The following DAB1 variants were observed in gnomAD, a reference collection of about 807,000 sequenced individuals.
DAB1 encodes DAB adaptor protein 1, also known as disabled homolog 1.
DAB1 carries 15 observed loss-of-function variants against 64.6 expected under a neutral mutation model. The observed-to-expected ratio is 0.23, with a 90% CI of 0.16 to 0.36. The LOEUF is 0.36. Ranked by LOEUF, DAB1 falls within the 10% of genes least tolerant of loss-of-function variation. DAB1 has a pLI of 1.00. For missense variants in DAB1, 596 were observed against 706.7 expected, an observed-to-expected ratio of 0.84 and a Z score of 1.78; for synonymous variants, 235 against 251.9, an observed-to-expected ratio of 0.93 and a Z score of 0.64.
chr1:58,382,029 T>C (rs1644394873), intron 3 of DAB1, among the ~76,000 whole-genome samples: 1 of 152,196 alleles, frequency 6.6e-6, no homozygotes, highest in South Asian at 2.1e-4. Flanking sequence ...CTATTTGCAT[T>C]TGAACCTTTG....
chr1:57,786,014 A>T (rs986386992), intron 6 of DAB1, among the ~76,000 whole-genome samples: 3 of 152,196 alleles, frequency 2.0e-5, no homozygotes, highest in African/African-American at 7.2e-5. Flanking sequence ...TTCAGCAATT[A>T]CTACCCTGAT....
At chr1:57,886,389 C>A (rs563237544), upstream of DAB1, among the ~76,000 whole-genome samples, 2 of 152,132 alleles carry the variant, frequency 1.3e-5, no homozygotes, top group African/African-American at 4.8e-5. Context: ...GAACTCCTGA[C>A]CTTGTGATCC....
intron 3 of DAB1, among the ~76,000 whole-genome samples, chr1:58,499,488 A>C (rs1645864900): frequency 6.7e-6 from 1 of 148,946 alleles, no homozygotes; most frequent in Non-Finnish European, 1.5e-5. Flanking sequence ...ATAGATAGAT[A>C]GATAGATAGA....
intron 2 of DAB1, among the ~76,000 whole-genome samples, chr1:57,267,168 G>C (rs527772487): frequency 3.3e-5 from 5 of 152,132 alleles, no homozygotes; most frequent in African/African-American, 9.6e-5. Context: ...ACATAGAGAA[G>C]GCTACGTGAA....
At chr1:58,397,466 G>A (rs1056754984) in intron 3 of DAB1, among the ~76,000 whole-genome samples, 6 of 152,132 alleles carry the variant, frequency 3.9e-5, no homozygotes, top group African/African-American at 7.2e-5. Flanking sequence ...TACCTCTCTC[G>A]TCAACCCTCA....
intron 9 of DAB1, chr1:57,033,674 G>T: frequency 8.5e-7 from 1 of 1,169,608 alleles, no homozygotes; most frequent in Non-Finnish European, 1.2e-6. Context: ...TCACACTTCC[G>T]TGGTCTCAGT....
intron 6 of DAB1, among the ~76,000 whole-genome samples, chr1:57,650,390 A>T (rs542526355): frequency 6.6e-6 from 1 of 152,228 alleles, no homozygotes; most frequent in African/African-American, 2.4e-5. Context: ...ACAATTATGA[A>T]TGCAGACCGG....
intron 3 of DAB1, among the ~76,000 whole-genome samples, chr1:58,356,870 T>C (rs1486776030): frequency 6.6e-6 from 1 of 151,658 alleles, no homozygotes; most frequent in Non-Finnish European, 1.5e-5. Flanking sequence ...CAAAAAATTT[T>C]AAAAATTAGC....
At chr1:58,243,994 A>G (rs530743827) in intron 4 of DAB1, among the ~76,000 whole-genome samples, 1 of 152,176 alleles carries the variant, frequency 6.6e-6, no homozygotes, top group Non-Finnish European at 1.5e-5. Flanking sequence ...GAATTTTAAG[A>G]GTAGCAACAA....
intron 2 of DAB1, among the ~76,000 whole-genome samples, chr1:57,281,788 C>A (rs926126039): frequency 1.3e-5 from 2 of 152,048 alleles, no homozygotes; most frequent in African/African-American, 4.8e-5. Flanking sequence ...GCCTGAACTA[C>A]CTTCGGGGAC....
At chr1:57,206,655 T>C (rs1665563407) in intron 2 of DAB1, among the ~76,000 whole-genome samples, 1 of 152,204 alleles carries the variant, frequency 6.6e-6, no homozygotes, top group Admixed American at 6.5e-5. Context: ...TCACACTGTT[T>C]CTCTTGCTTC....
At chr1:58,428,689 G>A (rs1644842713) in intron 3 of DAB1, among the ~76,000 whole-genome samples, 1 of 152,152 alleles carries the variant, frequency 6.6e-6, no homozygotes, top group African/African-American at 2.4e-5. Flanking sequence ...ACAGTGTTAT[G>A]TTTAGGATTT....
At chr1:56,999,175 A>T (rs1265676418) in intron 14 of DAB1, among the ~76,000 whole-genome samples, 2 of 152,182 alleles carry the variant, frequency 1.3e-5, no homozygotes, top group Non-Finnish European at 2.9e-5. Flanking sequence ...AGCCCCTACC[A>T]TGTGTCTGGC....
chr1:58,342,020 G>A (rs1369431623), intron 4 of DAB1, among the ~76,000 whole-genome samples: 3 of 152,150 alleles, frequency 2.0e-5, no homozygotes, highest in African/African-American at 7.2e-5. Flanking sequence ...GGGAGCCTCA[G>A]TAAGTCACTT....
intron 3 of DAB1, among the ~76,000 whole-genome samples, chr1:58,430,795 A>T (rs985811441): frequency 6.6e-6 from 1 of 152,218 alleles, no homozygotes; most frequent in African/African-American, 2.4e-5. Context: ...TATTATTCCC[A>T]TATGGCTCAG....
At chr1:57,934,066 T>TGTGTGTGC in intron 5 of DAB1, among the ~76,000 whole-genome samples, 1 of 133,564 alleles carries the variant, frequency 7.5e-6, no homozygotes, top group East Asian at 2.2e-4. Flanking sequence ...CAGCTAATTG[T>TGTGTGTGC]GTGTGTGTGT....
At chr1:57,994,490 T>G (rs1646396325) in intron 5 of DAB1, among the ~76,000 whole-genome samples, 1 of 152,180 alleles carries the variant, frequency 6.6e-6, no homozygotes, top group African/African-American at 2.4e-5. Context: ...GCCAAGCTGC[T>G]GTGAGGCCTA....
chr1:57,349,510 GA>G (rs936744544), intron 1 of DAB1, among the ~76,000 whole-genome samples: 1 of 151,770 alleles, frequency 6.6e-6, no homozygotes, highest in African/African-American at 2.4e-5. Flanking sequence ...ATAAGTAAGG[GA>G]AAAAAAAGGA....
chr1:57,461,452 T>C lies in DAB1; in HGVS notation n.626-170286A>G, dbSNP rs182746955. ...ATCCTCAGATGTTCTGACATGGCAT[T>C]ACACCCCTCCTCCCTCCATCTGACC... On this transcript the variant is annotated intron_variant and non_coding_transcript_variant, in intron 7 of 20. Coordinates refer to the DAB1 transcript ENST00000485760. Among the ~76,000 whole-genome samples, 355 of 152,298 alleles carry C rather than the reference T, an allele frequency of 2.3e-3. 3 individuals carry two copies. The highest frequency in any genetic ancestry group is 8.1e-3 in the African/African-American group (335 of 41,570).
Sources: gnomAD v4.1 joint callset for allele counts (sites outside exome capture counted in the v4.1 genomes callset) on GRCh38, gnomAD v4.1.1 for gene constraint, MANE v1.5 for transcripts, NCBI Gene and HGNC (gene_info 2026-07-23, HGNC 2026-07-21) for gene names.